AGAP3: variants seen among roughly 807,000 people sequenced by gnomAD.
The protein encoded by AGAP3 is arf-GAP with GTPase, ANK repeat and PH domain-containing protein 3.
Under a neutral mutation model 96.9 loss-of-function variants are expected in AGAP3, and 24 were observed. The ratio of observed to expected loss-of-function variants is 0.25; its 90% CI spans 0.18 to 0.35. AGAP3 has a LOEUF of 0.35. Ranked by LOEUF, AGAP3 falls within the 10% of genes least tolerant of loss-of-function variation. AGAP3 has a pLI of 1.00. For synonymous variants in AGAP3, 563 were observed against 536.1 expected (o/e 1.05, Z -0.69); for missense variants, 876 against 1,254.2 (o/e 0.70, Z 4.55).
At chr7:151,112,883 C>G (rs563639947) in intron 1 of AGAP3, among the ~76,000 whole-genome samples, 1 of 151,448 alleles carries the variant, frequency 6.6e-6, no homozygotes. Context: ...ATTACAGGCG[C>G]GAGACACGGT....
chr7:151,119,517 A>G (rs1015840280), intron 7 of AGAP3, among the ~76,000 whole-genome samples: 2 of 152,190 alleles, frequency 1.3e-5, no homozygotes, highest in Non-Finnish European at 2.9e-5. Context: ...TGGGCATGCT[A>G]GAAACATGCT....
At chr7:151,116,660 G>T in intron 1 of AGAP3, 133 bp from the exon 2 acceptor site, 1 of 927,114 alleles carries the variant, frequency 1.1e-6, no homozygotes, top group Non-Finnish European at 1.7e-6. Context: ...GGTGAGGGTT[G>T]GGGGTCCCGT....
chr7:151,110,482 C>A (rs977247942), intron 1 of AGAP3, among the ~76,000 whole-genome samples: 6 of 151,594 alleles, frequency 4.0e-5, no homozygotes, highest in Non-Finnish European at 8.8e-5. Context: ...CAGGTGAGAG[C>A]AAGCAGGTAG....
chr7:151,111,026 TC>T (rs1799258545), intron 1 of AGAP3, among the ~76,000 whole-genome samples: 1 of 151,892 alleles, frequency 6.6e-6, no homozygotes, highest in Non-Finnish European at 1.5e-5. Flanking sequence ...CTGAGCGCTC[TC>T]CCCCCGCCCC....
chr7:151,112,937 T>C (rs917311717), intron 1 of AGAP3, among the ~76,000 whole-genome samples: 2 of 152,164 alleles, frequency 1.3e-5, no homozygotes, highest in African/African-American at 2.4e-5. Context: ...TTTCACTACG[T>C]TGGCCAGGCT....
chr7:151,116,488 T>G (rs1476348078), intron 1 of AGAP3: 1 of 461,668 alleles, frequency 2.2e-6, no homozygotes, highest in Non-Finnish European at 3.9e-6. Flanking sequence ...CAGGTGTGGC[T>G]TGGTGGGGGG....
Position 151,087,114 on chromosome 7 carries a change from C to T in AGAP3, c.331+42C>T, listed in dbSNP as rs201792217. 7.1e-6 allele frequency: 11 copies of T among 1,552,096 alleles called. No individual in the cohort carries two copies. In the Admixed American group the frequency reaches 7.7e-5, roughly 11 times the overall value. On this transcript the variant is annotated intron_variant, in intron 1 of 17. Coordinates refer to ENST00000397238, the MANE Select transcript of AGAP3 (RefSeq NM_031946.7). Reference sequence around the variant, plus strand: ...GCTGCGGGAGCCGGGGCGCAGTGGCCTCTCCGGCGCCGGCCGAGGGCTCCA... The same window carrying T: ...GCTGCGGGAGCCGGGGCGCAGTGGCTTCTCCGGCGCCGGCCGAGGGCTCCA...
intron 1 of AGAP3, among the ~76,000 whole-genome samples, chr7:151,109,902 C>T (rs971422252): frequency 5.3e-5 from 8 of 152,244 alleles, no homozygotes; most frequent in Non-Finnish European, 7.3e-5. Flanking sequence ...GCCCGCTGCA[C>T]GCCAGGCACC....
chr7:151,103,018 C>T (rs1490451816), intron 1 of AGAP3, among the ~76,000 whole-genome samples: 1 of 152,252 alleles, frequency 6.6e-6, no homozygotes, highest in Non-Finnish European at 1.5e-5. Context: ...TGCTACTGCA[C>T]TCCAGCTTGG....
Position 151,114,280 on chromosome 7 carries a change from T to C in AGAP3, c.332-2513T>C, listed in dbSNP as rs2150452845. Among the ~76,000 whole-genome samples the C allele has an allele frequency of 6.6e-6, 1 of 152,370 alleles. No individual in the cohort carries two copies. The highest frequency in any genetic ancestry group is 1.5e-5 in the Non-Finnish European group (1 of 68,034). On this transcript the variant is annotated intron_variant, in intron 1 of 17. Coordinates refer to ENST00000397238, the MANE Select transcript of AGAP3 (RefSeq NM_031946.7). The surrounding 1 kb of genome is among the most constrained non-coding windows in gnomAD (Gnocchi z 4.4). ...ACCCGGCATGGCTGCCTCTGACGTCTCACTCAGGCTTGTCATACTTCTGGG... is the reference window on the plus strand; with the variant it reads ...ACCCGGCATGGCTGCCTCTGACGTCCCACTCAGGCTTGTCATACTTCTGGG...
At position 151,119,845 on chromosome 7, in the gene AGAP3, T is replaced by C. The variant is rs553415100; in HGVS notation, c.970-142T>C. On this transcript the variant is annotated intron_variant, in intron 7 of 17. Transcript: ENST00000397238. ...CCAGGCCAGGTGAATGTTCCCCCCA[T>C]ATCATCTGTAGGGGCTAGTGGCCCC... is the stretch of plus-strand genomic sequence containing the variant. The C allele has an allele frequency of 8.2e-5, 57 of 691,804 alleles. No individual in the cohort carries two copies. In the East Asian group the frequency reaches 1.5e-3, roughly 18 times the overall value. 42.9% of individuals were successfully genotyped at this position (691,804 alleles called of 1,614,324 possible).
chr7:151,116,937 C>G (rs1487499416), intron 2 of AGAP3, 86 bp downstream of exon 2: 12 of 1,559,972 alleles, frequency 7.7e-6, no homozygotes, highest in Non-Finnish European at 1.1e-5. Context: ...GCTTCTCCGG[C>G]TTCTGTCCCC....
At chr7:151,089,312 G>C (rs1247687215) in intron 1 of AGAP3, among the ~76,000 whole-genome samples, 1 of 152,158 alleles carries the variant, frequency 6.6e-6, no homozygotes, top group Non-Finnish European at 1.5e-5. Context: ...AGACTCCCTG[G>C]GCGTTTCCGA....
chr7:151,096,063 C>T lies in AGAP3; in HGVS notation c.331+8991C>T, dbSNP rs1038328898. On this transcript the variant is annotated intron_variant, in intron 1 of 17. Coordinates refer to ENST00000397238, the MANE Select transcript of AGAP3 (RefSeq NM_031946.7). This position sits in a 1 kb window ranked among gnomAD's most constrained non-coding sequence, Gnocchi z 4.4. ...TCGCCATTGGTAAAACATGGGCATC[C>T]GTTTCATGGTGTGGGCGTGAGAAGC... is the stretch of plus-strand genomic sequence containing the variant. Among the ~76,000 whole-genome samples the T allele has an allele frequency of 1.3e-5, 2 of 152,216 alleles. No individual in the cohort carries two copies. The highest frequency in any genetic ancestry group is 2.4e-5 in the African/African-American group (1 of 41,458).
intron 7 of AGAP3, chr7:151,119,072 T>TTTC: frequency 5.2e-6 from 1 of 193,344 alleles, no homozygotes; most frequent in Non-Finnish European, 1.1e-5. Context: ...CCTTCAGGGC[T>TTTC]GTGAGAAGGC....
At chr7:151,123,334 C>T in intron 8 of AGAP3, 9 of 1,034,744 alleles carry the variant, frequency 8.7e-6, no homozygotes, top group Non-Finnish European at 1.0e-5. Context: ...CTCTGTCCAT[C>T]CACTGTGCCC....
At position 151,142,645 on chromosome 7, in the gene AGAP3, G is replaced by T. The variant is rs1337701258; in HGVS notation, c.2273+11G>T. Reference sequence around the variant, plus strand: ...GCCTGATGCCTGCAGGTGAGCAGATGGTGCCCTGGAGCTGGCCAGGAATGG... The same window carrying T: ...GCCTGATGCCTGCAGGTGAGCAGATTGTGCCCTGGAGCTGGCCAGGAATGG... On this transcript the variant is annotated intron_variant, in intron 16 of 17. Coordinates refer to ENST00000397238, the MANE Select transcript of AGAP3 (RefSeq NM_031946.7). The surrounding 1 kb of genome is among the most constrained non-coding windows in gnomAD (Gnocchi z 7.5). The T allele has an allele frequency of 2.5e-6, 4 of 1,610,348 alleles. No homozygotes were observed. The Admixed American group carries it at 5.0e-5, about 20-fold the overall frequency.
At position 151,117,444 on chromosome 7, in the gene AGAP3, C is replaced by T. The variant is rs1413904325; in HGVS notation, c.552C>T (p.Pro184=). ...TGCTGATCCGAGATGAAGGAGGCCC[C>T]CCTGAGCTCCAGGTGATGCTCCTGC... ...YLLLIRDEGG[P]PELQFAAWVD... is the part of the protein sequence containing the mutation. Residue 184 remains proline, a synonymous_variant, in exon 4 of 18, where the codon CCC becomes CCT. Coordinates refer to ENST00000397238, the MANE Select transcript of AGAP3 (RefSeq NM_031946.7). 3 of 1,614,186 alleles carry T rather than the reference C, an allele frequency of 1.9e-6. No individual in the cohort carries two copies. Among genetic ancestry groups the T allele is most frequent in the Non-Finnish European group, 2.5e-6 (3 of 1,180,014 alleles).
intron 1 of AGAP3, among the ~76,000 whole-genome samples, chr7:151,107,107 C>T (rs1420856739): frequency 3.3e-5 from 5 of 151,686 alleles, no homozygotes; most frequent in Middle Eastern, 3.4e-3. Flanking sequence ...GTCAGGAGCT[C>T]GAGACCAGCC....
Sources: allele counts gnomAD v4.1 joint callset (sites outside exome capture counted in the v4.1 genomes callset), GRCh38; gene constraint gnomAD v4.1.1; non-coding constraint Gnocchi (gnomAD v3.1); transcripts MANE v1.5; gene names NCBI Gene and HGNC (gene_info 2026-07-23, HGNC 2026-07-21).